The following EYS variants were observed in gnomAD, a reference collection of about 807,000 sequenced individuals.
EYS encodes protein eyes shut homolog.
EYS carries 250 observed loss-of-function variants against 282.1 expected under a neutral mutation model. The observed-to-expected ratio is 0.89, with a 90% CI of 0.80 to 0.98. The LOEUF (loss-of-function observed/expected upper bound fraction) is 0.98. EYS is among the 50% of genes least tolerant of loss of function. EYS has a pLI of 0.00. For missense variants in EYS, 4,016 were observed against 3,709.0 expected, an observed-to-expected ratio of 1.08 and a Z score of -2.15; for synonymous variants, 1,355 against 1,282.9, an observed-to-expected ratio of 1.06 and a Z score of -1.20.
At chr6:65,385,791 T>C (rs1562141788) in intron 7 of EYS, among the ~76,000 whole-genome samples, 2 of 151,982 alleles carry the variant, frequency 1.3e-5, no homozygotes, top group South Asian at 2.1e-4. Context: ...GTAAGATATA[T>C]GTACTTTACG....
intron 29 of EYS, among the ~76,000 whole-genome samples, chr6:64,351,665 G>A (rs1177019137): frequency 1.3e-5 from 2 of 151,372 alleles, no homozygotes; most frequent in Non-Finnish European, 3.0e-5. Flanking sequence ...TGGACTACAA[G>A]GTCATTTAAA....
chr6:64,079,306 C>T (rs1337799394), intron 32 of EYS, among the ~76,000 whole-genome samples: 1 of 152,036 alleles, frequency 6.6e-6, no homozygotes, highest in African/African-American at 2.4e-5. Flanking sequence ...ATGATACTGG[C>T]CTAGCCTGGC....
intron 1 of EYS, among the ~76,000 whole-genome samples, chr6:65,683,496 T>G (rs1335776922): frequency 6.6e-6 from 1 of 152,006 alleles, no homozygotes; most frequent in Non-Finnish European, 1.5e-5. Flanking sequence ...AAATTATCCT[T>G]GTCAGTTTCT....
intron 19 of EYS, among the ~76,000 whole-genome samples, chr6:64,854,779 C>T (rs1292479778): frequency 6.6e-6 from 1 of 151,710 alleles, no homozygotes; most frequent in Non-Finnish European, 1.5e-5. Context: ...TTTCACTTAC[C>T]TTCAATTTTT....
chr6:65,431,916 G>A (rs1455364721), intron 5 of EYS, among the ~76,000 whole-genome samples: 1 of 152,002 alleles, frequency 6.6e-6, no homozygotes, highest in East Asian at 1.9e-4. Flanking sequence ...CACAAGGCTT[G>A]TATTTGACAA....
intron 41 of EYS, among the ~76,000 whole-genome samples, chr6:63,752,125 A>T (rs910836119): frequency 6.6e-6 from 1 of 152,190 alleles, no homozygotes; most frequent in South Asian, 2.1e-4. Context: ...TCAACTATAA[A>T]TCTAGAAAAT....
At chr6:65,542,448 A>G (rs1030850828) in intron 2 of EYS, among the ~76,000 whole-genome samples, 2 of 150,760 alleles carry the variant, frequency 1.3e-5, no homozygotes, top group African/African-American at 4.9e-5. Flanking sequence ...TCAAAAAAAT[A>G]ACTGTGGCTA....
intron 26 of EYS, among the ~76,000 whole-genome samples, chr6:64,522,687 C>T (rs1160766452): frequency 6.6e-6 from 1 of 151,734 alleles, no homozygotes; most frequent in Non-Finnish European, 1.5e-5. Flanking sequence ...GTAGCTCTGA[C>T]TGACTCTGAG....
At chr6:63,854,525 A>T (rs1772342103) in intron 36 of EYS, among the ~76,000 whole-genome samples, 1 of 152,112 alleles carries the variant, frequency 6.6e-6, no homozygotes, top group Non-Finnish European at 1.5e-5. Context: ...AACCTAGATG[A>T]CAGGTTAATG....
In EYS at chr6:63,779,744, TTTC is replaced by T. The variant is rs1327791270; in HGVS notation, c.7724-1567_7724-1565del. Among the ~76,000 whole-genome samples the T allele has an allele frequency of 6.1e-3, 912 of 148,642 alleles. 6 individuals are homozygous for T. Among genetic ancestry groups the T allele is most frequent in the African/African-American group, 0.021 (850 of 40,238 alleles). On this transcript the variant is annotated intron_variant, in intron 39 of 42. Coordinates refer to ENST00000503581, the MANE Select transcript of EYS (RefSeq NM_001142800.2). ...TTTTGGAGGCATAAAAAGCTTTCTT[TTTC>T]TTTTTTTTGTCATTGTTATACTTTA...
chr6:64,921,115 C>A (rs773184370), intron 15 of EYS, among the ~76,000 whole-genome samples: 1 of 152,030 alleles, frequency 6.6e-6, no homozygotes, highest in Non-Finnish European at 1.5e-5. Flanking sequence ...TTTCATACTC[C>A]TTAGGGGTAA....
At chr6:64,556,616 T>C (rs1765241099) in intron 26 of EYS, among the ~76,000 whole-genome samples, 1 of 151,958 alleles carries the variant, frequency 6.6e-6, no homozygotes, top group Admixed American at 6.6e-5. Context: ...AATTATACTG[T>C]ATAAACTTAT....
At chr6:64,136,165 G>C (rs889963465) in intron 31 of EYS, among the ~76,000 whole-genome samples, 2 of 146,750 alleles carry the variant, frequency 1.4e-5, no homozygotes, top group African/African-American at 2.5e-5. Context: ...AAACCACCTT[G>C]TTTGCTCTTC....
chr6:64,433,293 G>T (rs1220082055), intron 28 of EYS, among the ~76,000 whole-genome samples: 2 of 151,966 alleles, frequency 1.3e-5, no homozygotes, highest in Non-Finnish European at 2.9e-5. Context: ...AAAACTGGGG[G>T]TGAATTGTGT....
intron 26 of EYS, among the ~76,000 whole-genome samples, chr6:64,465,115 C>T (rs536129047): frequency 7.5e-4 from 114 of 151,650 alleles, no homozygotes; most frequent in Non-Finnish European, 1.3e-3. Flanking sequence ...ACTGAAGAAA[C>T]GCAAATAAAG....
intron 26 of EYS, among the ~76,000 whole-genome samples, chr6:64,512,693 G>A (rs192045921): frequency 6.6e-6 from 1 of 151,876 alleles, no homozygotes; most frequent in South Asian, 2.1e-4. Flanking sequence ...AATAATAAAA[G>A]AGATTAAAAG....
chr6:65,458,338 G>T (rs2150407631), intron 5 of EYS, among the ~76,000 whole-genome samples: 1 of 152,086 alleles, frequency 6.6e-6, no homozygotes, highest in South Asian at 2.1e-4. Flanking sequence ...ACCAACCTAT[G>T]ACTTGCTTGA....
intron 35 of EYS, among the ~76,000 whole-genome samples, chr6:63,944,495 T>C (rs1020685956): frequency 2.0e-5 from 3 of 152,232 alleles, no homozygotes; most frequent in Admixed American, 6.5e-5. Context: ...ATGTACAACA[T>C]GATGTTTCAA....
intron 19 of EYS, among the ~76,000 whole-genome samples, chr6:64,823,603 A>C (rs1206779346): frequency 1.3e-5 from 2 of 152,004 alleles, no homozygotes; most frequent in Non-Finnish European, 2.9e-5. Context: ...GCATTGACTG[A>C]GCACTTATAG....
Sources: allele counts gnomAD v4.1 joint callset (sites outside exome capture counted in the v4.1 genomes callset), GRCh38; gene constraint gnomAD v4.1.1; transcripts MANE v1.5; gene names NCBI Gene and HGNC (gene_info 2026-07-23, HGNC 2026-07-21).